Variants in DNMBP observed in about 807,000 individuals in gnomAD.
DNMBP encodes the protein dynamin binding protein.
Under a neutral mutation model 150.0 loss-of-function variants are expected in DNMBP, and 87 were observed. That is an observed-to-expected ratio of 0.58 (90% CI 0.49 to 0.69). The LOEUF (loss-of-function observed/expected upper bound fraction) is 0.69, where lower values mean the gene tolerates loss of function less well. DNMBP is among the 30% of genes least tolerant of loss of function. The pLI is 0.00. For synonymous variants in DNMBP, 711 were observed against 750.4 expected, an observed-to-expected ratio of 0.95 and a Z score of 0.86; for missense variants, 1,774 against 1,949.0, an observed-to-expected ratio of 0.91 and a Z score of 1.69.
rs1341921202 is a variant in DNMBP at position 99,956,908 on chromosome 10, C to T, written c.566G>A (p.Gly189Asp). 1 of 1,614,094 alleles carries T rather than the reference C, an allele frequency of 6.2e-7. No homozygotes were observed. Among genetic ancestry groups the T allele is most frequent in the African/African-American group, 1.3e-5 (1 of 74,918 alleles). ...ACCTTCTGGAAAAATGCCTCTTCGG[C>T]CCTCTAACTCCCCTTCAAACCAGCC... ...EPGWFEGELE[G>D]RRGIFPEGFV... The change falls in exon 4 of 17, where the codon GGC becomes GAC. Residue 189 changes from glycine to aspartate, a missense_variant. By Grantham distance (94) the Gly-to-Asp change is moderately conservative. Around this residue, in one of 2 missense-constraint regions of DNMBP, gnomAD observed 344 missense variants for 456.6 expected, o/e 0.75. Transcript: ENST00000324109.
chr10:99,891,998 TGAG>T (rs1167664153), intron 11 of DNMBP, among the ~76,000 whole-genome samples: 4 of 128,376 alleles, frequency 3.1e-5, no homozygotes, highest in African/African-American at 1.3e-4. Flanking sequence ...TACTGGGAAG[TGAG>T]GAGCCCCTCT....
At chr10:99,963,381 T>C (rs1327984838) in intron 3 of DNMBP, among the ~76,000 whole-genome samples, 1 of 151,608 alleles carries the variant, frequency 6.6e-6, no homozygotes, top group Non-Finnish European at 1.5e-5. Flanking sequence ...TCAATGCCCC[T>C]GTTTTATAGC....
At chr10:99,883,230 G>A (rs1232101062) in intron 15 of DNMBP, among the ~76,000 whole-genome samples, 1 of 152,046 alleles carries the variant, frequency 6.6e-6, no homozygotes, top group Non-Finnish European at 1.5e-5. Flanking sequence ...CTTAAATTCT[G>A]TAAATCACTC....
Position 99,900,023 on chromosome 10 carries a change from G to A in DNMBP, c.2598C>T (p.Tyr866=). 1 of 1,614,116 alleles carries A rather than the reference G, an allele frequency of 6.2e-7. No individual in the cohort carries two copies. The highest frequency in any genetic ancestry group is 8.5e-7 in the Non-Finnish European group (1 of 1,180,006). Residue 866 remains tyrosine, a synonymous_variant, in exon 7 of 17, where the codon TAC becomes TAT. Transcript: ENST00000324109. ...LGHRDELEGT[Y]KIYCQNHDEA... ...CATCATGATTCTGGCAGTAAATCTT[G>A]TATGTTCCCTCAAGCTCATCCCGGT...
chr10:99,973,651 ACAG>A lies in DNMBP; in HGVS notation c.-10-1520_-10-1518del, dbSNP rs2040700056. On this transcript the variant is annotated intron_variant, in intron 1 of 16. Transcript: ENST00000324109. ...AAACAAATGTACCACAACCTGAAGA[ACAG>A]CAGCAGAACTATGCCTCAAAGGCCT... 2.0e-5 allele frequency among the ~76,000 whole-genome samples: 3 copies of A among 152,322 alleles called. No individual in the cohort carries two copies. In the East Asian group the frequency reaches 5.8e-4, roughly 29 times the overall value.
intron 4 of DNMBP, among the ~76,000 whole-genome samples, chr10:99,929,071 G>A (rs1219197047): frequency 1.3e-5 from 2 of 152,248 alleles, no homozygotes; most frequent in East Asian, 3.9e-4. Flanking sequence ...TTGAGCCCAG[G>A]AGTTTGAGGC....
At chr10:99,891,491 C>A (rs1208584227) in intron 11 of DNMBP, among the ~76,000 whole-genome samples, 1 of 152,078 alleles carries the variant, frequency 6.6e-6, no homozygotes, top group African/African-American at 2.4e-5. Flanking sequence ...GGTGCCCAGG[C>A]TGGAGTGCAG....
intron 2 of DNMBP, among the ~76,000 whole-genome samples, chr10:99,971,024 T>TATGA (rs1008108713): frequency 8.3e-5 from 12 of 144,384 alleles, no homozygotes; most frequent in African/African-American, 3.1e-4. Context: ...ACAACAGGGT[T>TATGA]ATGAAGAAAG....
In DNMBP at chr10:99,898,269, T is replaced by C; in HGVS notation, c.2737A>G (p.Ile913Val). ...LYNEWGCTNY[I>V]NLGSFLIKPV... ...TTGATGAGGAAGGAGCCCAGGTTAA[T>C]ATAATTTGTGCATCCCCTGTAAGAG... is the stretch of plus-strand genomic sequence containing the variant. Residue 913 changes from isoleucine (I) to valine (V), a missense_variant, in exon 9 of 17, where the codon ATT becomes GTT. By Grantham distance (29) the Ile-to-Val change is conservative. Coordinates refer to ENST00000324109, the MANE Select transcript of DNMBP (RefSeq NM_015221.4). 2 of 1,613,732 alleles carry C rather than the reference T, an allele frequency of 1.2e-6. No individual in the cohort carries two copies. The highest frequency in any genetic ancestry group is 8.5e-7 in the Non-Finnish European group (1 of 1,179,670).
At chr10:99,898,045 C>G (rs775507967) in intron 9 of DNMBP, 41 bp downstream of exon 9, 32 of 1,560,520 alleles carry the variant, frequency 2.1e-5, no homozygotes, top group Non-Finnish European at 1.8e-6. Flanking sequence ...AAAGCATTCT[C>G]AAAGGGCATA....
At chr10:99,942,882 TCA>T (rs1039602760) in intron 4 of DNMBP, among the ~76,000 whole-genome samples, 5 of 152,226 alleles carry the variant, frequency 3.3e-5, no homozygotes, top group Non-Finnish European at 5.9e-5. Context: ...GCCAAAAGCC[TCA>T]ACCAGATGTT....
In DNMBP at chr10:99,913,959, TGCCCAGAGCTG is replaced by T. The variant is rs751033556; in HGVS notation, c.2261-4824_2261-4814del. On this transcript the variant is annotated intron_variant, in intron 4 of 16. Coordinates refer to ENST00000324109, the MANE Select transcript of DNMBP (RefSeq NM_015221.4). ...CCCACACCCCAGGACCTACCTGCAG[TGCCCAGAGCTG>T]GCTGTGTGTGGAGGTGTGGGCCTGA... The T allele has an allele frequency of 1.1e-4, 157 of 1,400,648 alleles. No individual in the cohort carries two copies. The East Asian group carries it at 4.5e-3, about 40-fold the overall frequency. 86.8% of individuals were successfully genotyped at this position (1,400,648 alleles called of 1,614,324 possible). A position where few individuals can be genotyped will look rare whatever the true frequency, so the allele number is the denominator to read the frequency against.
rs1287740420 is a variant in DNMBP, at chr10:99,955,569, T to C, written c.1905A>G (p.Pro635=). 4 of 1,604,772 alleles carry C rather than the reference T, an allele frequency of 2.5e-6. No homozygotes were observed. In the African/African-American group the frequency reaches 5.4e-5, roughly 22 times the overall value. ...LLVDQNLKPA[P]PLVVRPSRPA... ...GGCGAGAGGGTCGCACCACCAAGGG[T>C]GGTGCAGGTTTTAGGTTCTGGTCAA... Residue 635 remains proline (P), a synonymous_variant, in exon 4 of 17, where the codon CCA becomes CCG. Transcript: ENST00000324109.
intron 1 of DNMBP, among the ~76,000 whole-genome samples, chr10:99,997,879 G>GAT (rs1214968636): frequency 8.0e-6 from 1 of 125,156 alleles, no homozygotes; most frequent in African/African-American, 3.1e-5. Flanking sequence ...AGTGAGCTGA[G>GAT]ATCACGCCAC....
At chr10:99,966,543 C>T (rs1017149388) in intron 3 of DNMBP, among the ~76,000 whole-genome samples, 4 of 152,174 alleles carry the variant, frequency 2.6e-5, no homozygotes, top group African/African-American at 4.8e-5. Context: ...AACAGCTCAG[C>T]GGAAGCCACT....
intron 1 of DNMBP, among the ~76,000 whole-genome samples, chr10:99,988,859 ACC>A (rs1212741533): frequency 1.4e-4 from 22 of 152,142 alleles, no homozygotes; most frequent in African/African-American, 5.1e-4. Flanking sequence ...ATGGGGTTTT[ACC>A]ATGTTGGCCA....
rs71009782 is a variant in DNMBP, at chr10:99,883,638, C to CAAAAAAAAAAAAAA, written c.3997+359_3997+372dup. On this transcript the variant is annotated intron_variant, in intron 15 of 16. Transcript: ENST00000324109. ...CCTGGATAACAGAGCAAGACTGCCA[C>CAAAAAAAAAAAAAA]AAAAAAAAAAAAAAAAAAAAAAAAA... is the stretch of plus-strand genomic sequence containing the variant. Among the ~76,000 whole-genome samples the CAAAAAAAAAAAAAA allele has an allele frequency of 2.1e-4, 14 of 65,618 alleles. 1 individual carries two copies. The highest frequency in any genetic ancestry group is 7.0e-4 in the African/African-American group (14 of 20,102). 43.0% of individuals were successfully genotyped at this position (65,618 alleles called of 152,430 possible). A position where few individuals can be genotyped will look rare whatever the true frequency, so the allele number is the denominator to read the frequency against.
chr10:99,963,396 T>C (rs1420595302), intron 3 of DNMBP, among the ~76,000 whole-genome samples: 1 of 151,856 alleles, frequency 6.6e-6, no homozygotes, highest in East Asian at 1.9e-4. Context: ...TATAGCCCTG[T>C]TACTGAACCG....
chr10:99,990,589 T>A (rs1322958507), intron 1 of DNMBP, among the ~76,000 whole-genome samples: 4 of 135,082 alleles, frequency 3.0e-5, no homozygotes, highest in African/African-American at 1.1e-4. Flanking sequence ...TGCAAATGAC[T>A]AAACACCCCA....
Sources: allele counts gnomAD v4.1 joint callset (sites outside exome capture counted in the v4.1 genomes callset), GRCh38; gene constraint gnomAD v4.1.1; regional missense constraint gnomAD v4.1.1; transcripts MANE v1.5; gene names NCBI Gene and HGNC (gene_info 2026-07-23, HGNC 2026-07-21).